The following TRIP4 variants were observed in gnomAD, a reference collection of about 807,000 sequenced individuals.
TRIP4 encodes thyroid hormone receptor interactor 4.
A neutral mutation model predicts 81.8 loss-of-function variants in TRIP4; 54 were observed. The ratio of observed to expected loss-of-function variants is 0.66; its 90% CI spans 0.53 to 0.83. The LOEUF (loss-of-function observed/expected upper bound fraction) is 0.83. TRIP4 is among the 40% of genes least tolerant of loss of function. The pLI is 0.00. For missense variants in TRIP4, 662 were observed against 683.6 expected, an observed-to-expected ratio of 0.97 and a Z score of 0.35; for synonymous variants, 270 against 242.8, an observed-to-expected ratio of 1.11 and a Z score of -1.04.
At chr15:64,411,280 G>C (rs960897058) in intron 7 of TRIP4, among the ~76,000 whole-genome samples, 6 of 152,148 alleles carry the variant, frequency 3.9e-5, no homozygotes, top group African/African-American at 1.4e-4. Context: ...TACAATACCA[G>C]GAGTGAACGC....
Position 64,425,528 on chromosome 15 carries a change from T to C in TRIP4, c.1484-12T>C, listed in dbSNP as rs1596351968. 1 of 1,604,192 alleles carries C rather than the reference T, an allele frequency of 6.2e-7. No individual in the cohort carries two copies. Among genetic ancestry groups the C allele is most frequent in the Non-Finnish European group, 8.5e-7 (1 of 1,176,016 alleles). Reference sequence around the variant, plus strand: ...GGAAATTTATTCAATATTTTTGTTATTCCTGATTCAGATGTGGAATTTCCT... The same window carrying C: ...GGAAATTTATTCAATATTTTTGTTACTCCTGATTCAGATGTGGAATTTCCT... On this transcript the variant is annotated splice_polypyrimidine_tract_variant and intron_variant, in intron 10 of 12. Transcript: ENST00000261884.
chr15:64,446,529 C>T (rs907836144), intron 12 of TRIP4, among the ~76,000 whole-genome samples: 23 of 150,216 alleles, frequency 1.5e-4, no homozygotes, highest in African/African-American at 4.4e-4. Context: ...CTCACCCTCC[C>T]GAGTAGCTGG....
At chr15:64,392,123 A>AAAAAC (rs747797679) in intron 1 of TRIP4, among the ~76,000 whole-genome samples, 5 of 150,282 alleles carry the variant, frequency 3.3e-5, no homozygotes, top group Admixed American at 6.7e-5. Flanking sequence ...AAAAAAAAGC[A>AAAAAC]AAAACAAAAC....
intron 12 of TRIP4, chr15:64,450,571 C>T (rs559496307): frequency 2.1e-5 from 9 of 425,120 alleles, no homozygotes; most frequent in East Asian, 7.1e-5. Flanking sequence ...AGAGTTGCCT[C>T]TATTGGCAAT....
In TRIP4 at chr15:64,402,449, G is replaced by A. The variant is rs563436237; in HGVS notation, c.697+1628G>A. On this transcript the variant is annotated intron_variant, in intron 5 of 12. Transcript: ENST00000261884. ...TTGGTCAGGCTGGTCTTGAGCTCCC[G>A]ACCTCAGGTGTTCCACCCACCTCAG... Among the ~76,000 whole-genome samples, 59 of 151,714 alleles carry A rather than the reference G, an allele frequency of 3.9e-4. No individual in the cohort carries two copies. The South Asian group carries it at 4.2e-3, about 11-fold the overall frequency.
At chr15:64,452,402 A>G (rs1299834869) in intron 12 of TRIP4, among the ~76,000 whole-genome samples, 1 of 152,242 alleles carries the variant, frequency 6.6e-6, no homozygotes, top group Non-Finnish European at 1.5e-5. Flanking sequence ...ATACTTAACC[A>G]GTAAATATAT....
At chr15:64,430,855 C>A (rs781439895) in intron 11 of TRIP4, among the ~76,000 whole-genome samples, 1 of 152,108 alleles carries the variant, frequency 6.6e-6, no homozygotes. Flanking sequence ...GTGCCTGTTT[C>A]CAATAATTGA....
At chr15:64,450,941 G>C (rs561808993) in intron 12 of TRIP4, 1 of 226,348 alleles carries the variant, frequency 4.4e-6, no homozygotes, top group African/African-American at 2.2e-5. Flanking sequence ...AAAATGATAT[G>C]TCTTTTTTTC....
At chr15:64,446,914 C>G (rs1892646804) in intron 12 of TRIP4, among the ~76,000 whole-genome samples, 1 of 151,634 alleles carries the variant, frequency 6.6e-6, no homozygotes, top group African/African-American at 2.4e-5. Flanking sequence ...ACTACCCTGG[C>G]TAACACAGTG....
At chr15:64,452,589 T>G (rs1892795371) in intron 12 of TRIP4, among the ~76,000 whole-genome samples, 1 of 152,228 alleles carries the variant, frequency 6.6e-6, no homozygotes, top group Non-Finnish European at 1.5e-5. Flanking sequence ...GCTATAATCT[T>G]CTTAATAATT....
At chr15:64,399,468 C>G (rs1360706767) in intron 4 of TRIP4, among the ~76,000 whole-genome samples, 2 of 151,984 alleles carry the variant, frequency 1.3e-5, no homozygotes, top group African/African-American at 4.8e-5. Flanking sequence ...TCTCCTAGGT[C>G]CCTTGAAGTA....
chr15:64,449,488 C>T (rs192236655), intron 12 of TRIP4, among the ~76,000 whole-genome samples: 1 of 151,892 alleles, frequency 6.6e-6, no homozygotes, highest in Admixed American at 6.6e-5. Flanking sequence ...TGTAGATATA[C>T]ACTACTATGA....
intron 11 of TRIP4, among the ~76,000 whole-genome samples, chr15:64,427,241 A>G (rs1892170460): frequency 6.6e-6 from 1 of 152,180 alleles, no homozygotes; most frequent in South Asian, 2.1e-4. Context: ...GGCTTCCACC[A>G]GTGTGCTGAA....
Position 64,418,617 on chromosome 15 carries a change from T to A in TRIP4, c.1247T>A (p.Phe416Tyr). ...SSGFGLEFNS[F>Y]QHQLRIQDQE... ...GGATTTGGACTAGAGTTCAACTCAT[T>A]TCAGCACCAGTTGCGAATCCAGGAT... Residue 416 changes from phenylalanine to tyrosine, a missense_variant, in exon 9 of 13, where the codon TTT (phenylalanine) becomes TAT (tyrosine). Physicochemically the swap from Phe to Tyr is conservative, Grantham distance 22. Transcript: ENST00000261884. The A allele has an allele frequency of 6.2e-7, 1 of 1,613,830 alleles. No homozygotes were observed. Among genetic ancestry groups the A allele is most frequent in the African/African-American group, 1.3e-5 (1 of 75,028 alleles).
chr15:64,409,660 G>T lies in TRIP4; in HGVS notation c.875G>T (p.Ser292Ile), dbSNP rs781264670. The change falls in exon 7 of 13, where the codon AGT (serine) becomes ATT (isoleucine). Residue 292 changes from serine to isoleucine, a missense_variant. By Grantham distance (142) the Ser-to-Ile change is moderately radical. Transcript: ENST00000261884. ...GATGATGAGTCAGATTACTTTGCCA[G>T]TGATTCTAACCAATGGTTGTCCAAA... The part of the protein sequence containing the change: ...VIDDESDYFA[S>I]DSNQWLSKLE... The T allele has an allele frequency of 1.9e-6, 3 of 1,614,064 alleles. No homozygotes were observed. In the East Asian group the frequency reaches 6.7e-5, roughly 36 times the overall value.
At chr15:64,393,826 C>G in intron 1 of TRIP4, 120 bp from the exon 2 acceptor site, 1 of 957,838 alleles carries the variant, frequency 1.0e-6, no homozygotes, top group Non-Finnish European at 1.4e-6. Flanking sequence ...TAGTACTTGG[C>G]TCAAAGTAAA....
intron 9 of TRIP4, among the ~76,000 whole-genome samples, chr15:64,421,325 T>C (rs1892007701): frequency 6.6e-6 from 1 of 151,176 alleles, no homozygotes; most frequent in Non-Finnish European, 1.5e-5. Context: ...CTACCTTTTA[T>C]TTTCTTTCTT....
chr15:64,449,985 G>T (rs369548278), intron 12 of TRIP4, among the ~76,000 whole-genome samples: 1 of 152,278 alleles, frequency 6.6e-6, no homozygotes, highest in East Asian at 1.9e-4. Flanking sequence ...ACACTGAAAC[G>T]ATTAGGTACT....
At chr15:64,390,401 C>T (rs1023079384) in intron 1 of TRIP4, among the ~76,000 whole-genome samples, 5 of 150,174 alleles carry the variant, frequency 3.3e-5, no homozygotes, top group Admixed American at 1.3e-4. Context: ...GCAGAGGTTG[C>T]AGTGAGCTGA....
Sources: allele counts gnomAD v4.1 joint callset (sites outside exome capture counted in the v4.1 genomes callset), GRCh38; gene constraint gnomAD v4.1.1; transcripts MANE v1.5; gene names NCBI Gene and HGNC (gene_info 2026-07-23, HGNC 2026-07-21).